DEUP1: variants seen among roughly 807,000 people sequenced by gnomAD.
DEUP1 encodes the protein coiled-coil domain containing 67.
Under a neutral mutation model 87.4 loss-of-function variants are expected in DEUP1, and 82 were observed. The observed-to-expected ratio is 0.94, with a 90% CI of 0.78 to 1.13. The LOEUF is 1.13. Among genes scored for constraint, DEUP1 ranks in the 50% most tolerant of loss-of-function variants. DEUP1 has a pLI of 0.00. For missense variants in DEUP1, 663 were observed against 681.5 expected (o/e 0.97, Z 0.30); for synonymous variants, 214 against 222.7 (o/e 0.96, Z 0.35).
intron 11 of DEUP1, among the ~76,000 whole-genome samples, chr11:93,403,302 GA>G (rs1249743323): frequency 3.3e-5 from 5 of 151,846 alleles, no homozygotes; most frequent in African/African-American, 9.7e-5. Flanking sequence ...TTAAAGGTTA[GA>G]AAGAATTTAG....
chr11:93,403,406 T>C (rs1947181616), intron 11 of DEUP1, among the ~76,000 whole-genome samples: 1 of 151,968 alleles, frequency 6.6e-6, no homozygotes, highest in Non-Finnish European at 1.5e-5. Flanking sequence ...TACTTAGAAG[T>C]ACTTTGTAGG....
intron 12 of DEUP1, among the ~76,000 whole-genome samples, chr11:93,410,429 T>A (rs943081027): frequency 6.6e-6 from 1 of 152,196 alleles, no homozygotes; most frequent in Non-Finnish European, 1.5e-5. Flanking sequence ...GATTTTGGTG[T>A]AAGAATATAT....
intron 2 of DEUP1, among the ~76,000 whole-genome samples, chr11:93,337,474 T>C (rs1463869374): frequency 6.6e-6 from 1 of 152,234 alleles, no homozygotes; most frequent in Non-Finnish European, 1.5e-5. Context: ...CCTTGCTTTC[T>C]GGTTAGCCCA....
At chr11:93,359,436 C>G (rs1945058618) in intron 4 of DEUP1, among the ~76,000 whole-genome samples, 1 of 152,020 alleles carries the variant, frequency 6.6e-6, no homozygotes, top group African/African-American at 2.4e-5. Flanking sequence ...TATACTCTTC[C>G]CTATCCTCCG....
At chr11:93,383,388 C>T in intron 7 of DEUP1, 1 of 420,884 alleles carries the variant, frequency 2.4e-6, no homozygotes. Flanking sequence ...GTGTATGACA[C>T]CATTTGTATG....
intron 13 of DEUP1, among the ~76,000 whole-genome samples, chr11:93,436,311 T>A (rs1011771120): frequency 6.6e-6 from 1 of 152,194 alleles, no homozygotes; most frequent in Non-Finnish European, 1.5e-5. Flanking sequence ...CTTTGGAATG[T>A]CCAGATGGGC....
intron 8 of DEUP1, among the ~76,000 whole-genome samples, chr11:93,385,884 C>T (rs1328262209): frequency 6.6e-6 from 1 of 151,808 alleles, no homozygotes; most frequent in Non-Finnish European, 1.5e-5. Flanking sequence ...GAGACCCTGA[C>T]TCTTCAAAAA....
At chr11:93,385,773 G>A (rs1348592529) in intron 8 of DEUP1, among the ~76,000 whole-genome samples, 1 of 152,020 alleles carries the variant, frequency 6.6e-6, no homozygotes, top group Non-Finnish European at 1.5e-5. Flanking sequence ...GGATATTTCT[G>A]TCACACTGAG....
At chr11:93,415,831 T>C (rs1276229334) in intron 13 of DEUP1, among the ~76,000 whole-genome samples, 2 of 152,120 alleles carry the variant, frequency 1.3e-5, no homozygotes, top group African/African-American at 4.8e-5. Context: ...TTTGTTTCTC[T>C]ATACTAATCT....
intron 2 of DEUP1, among the ~76,000 whole-genome samples, chr11:93,337,045 A>C (rs1180653341): frequency 2.0e-5 from 3 of 152,204 alleles, no homozygotes; most frequent in Admixed American, 6.5e-5. Flanking sequence ...TCTCATTCAT[A>C]GAATCTTGTC....
At chr11:93,381,355 G>A (rs2925363) in intron 7 of DEUP1, among the ~76,000 whole-genome samples, 65,468 of 151,950 alleles carry the variant, frequency 0.43, 15,142 homozygotes, top group Admixed American at 0.59. Flanking sequence ...CAAAACTGTC[G>A]TGACAGTGTT....
At chr11:93,364,053 C>A in intron 4 of DEUP1, 107 bp from the exon 5 acceptor site, 1 of 822,718 alleles carries the variant, frequency 1.2e-6, no homozygotes, top group Non-Finnish European at 1.9e-6. Context: ...ACTGCACTTT[C>A]TAATCATGAC....
intron 13 of DEUP1, among the ~76,000 whole-genome samples, chr11:93,416,205 G>T (rs1444162957): frequency 6.6e-6 from 1 of 152,088 alleles, no homozygotes; most frequent in East Asian, 1.9e-4. Flanking sequence ...AGGAAATAGA[G>T]ACACAAAAAA....
intron 2 of DEUP1, among the ~76,000 whole-genome samples, chr11:93,334,007 C>T (rs1486359403): frequency 6.6e-6 from 1 of 152,150 alleles, no homozygotes; most frequent in African/African-American, 2.4e-5. Context: ...CAGACCTTGT[C>T]TTTAAAGAAC....
intron 4 of DEUP1, among the ~76,000 whole-genome samples, chr11:93,363,141 G>A (rs1360901667): frequency 6.6e-6 from 1 of 151,872 alleles, no homozygotes; most frequent in Non-Finnish European, 1.5e-5. Context: ...GTAATGTGCT[G>A]TATGATTTCT....
intron 5 of DEUP1, among the ~76,000 whole-genome samples, chr11:93,365,089 C>A (rs1340523616): frequency 4.0e-5 from 6 of 151,834 alleles, no homozygotes; most frequent in Admixed American, 3.3e-4. Flanking sequence ...TTATGTTATC[C>A]CACTTAATTT....
intron 11 of DEUP1, among the ~76,000 whole-genome samples, chr11:93,405,629 A>G (rs1272468561): frequency 6.6e-6 from 1 of 152,040 alleles, no homozygotes; most frequent in East Asian, 1.9e-4. Flanking sequence ...TGGCCTTTGA[A>G]GCAAAAAATG....
intron 4 of DEUP1, among the ~76,000 whole-genome samples, chr11:93,359,176 C>T (rs112670853): frequency 6.6e-6 from 1 of 152,162 alleles, no homozygotes; most frequent in Non-Finnish European, 1.5e-5. Flanking sequence ...TTGTGGCTAA[C>T]ATGCTTTTGT....
At chr11:93,370,328 G>A (rs894742718) in intron 6 of DEUP1, 142 bp downstream of exon 6, 1 of 565,410 alleles carries the variant, frequency 1.8e-6, no homozygotes, top group African/African-American at 1.9e-5. Flanking sequence ...ACAGTCACAA[G>A]TGCATAGAAT....
Sources: gnomAD v4.1 joint callset for allele counts (sites outside exome capture counted in the v4.1 genomes callset) on GRCh38, gnomAD v4.1.1 for gene constraint, MANE v1.5 for transcripts, NCBI Gene and HGNC (gene_info 2026-07-23, HGNC 2026-07-21) for gene names.